Variants in ROR1 observed in about 807,000 individuals in gnomAD.
ROR1 encodes ROR family WNT receptor 1.
Under a neutral mutation model 78.8 loss-of-function variants are expected in ROR1, and 19 were observed. The observed-to-expected ratio is 0.24, with a 90% confidence interval of 0.17 to 0.35. ROR1 has a LOEUF of 0.35. Ranked by LOEUF, ROR1 falls within the 10% of genes least tolerant of loss-of-function variation. The pLI, the probability that ROR1 is intolerant of heterozygous loss-of-function variation, is 1.00. For missense variants in ROR1, 917 were observed against 1,177.8 expected (o/e 0.78, Z 3.24); for synonymous variants, 386 against 433.6 (o/e 0.89, Z 1.36).
chr1:64,081,500 G>A (rs1284642063), intron 4 of ROR1, among the ~76,000 whole-genome samples: 1 of 152,108 alleles, frequency 6.6e-6, no homozygotes, highest in East Asian at 1.9e-4. Flanking sequence ...AAGCAGGCCG[G>A]GCTTGGTGGC....
At chr1:64,098,715 G>A (rs1251517678) in intron 4 of ROR1, among the ~76,000 whole-genome samples, 1 of 152,138 alleles carries the variant, frequency 6.6e-6, no homozygotes, top group Non-Finnish European at 1.5e-5. Flanking sequence ...TGTTCCCCAA[G>A]GTACTACAGG....
chr1:64,129,726 T>C (rs2100697411), intron 4 of ROR1, among the ~76,000 whole-genome samples: 1 of 152,356 alleles, frequency 6.6e-6, no homozygotes, highest in East Asian at 1.9e-4. Flanking sequence ...TTCTTGCAAA[T>C]ACTGTACTAG....
intron 4 of ROR1, among the ~76,000 whole-genome samples, chr1:64,121,852 C>A (rs1048906627): frequency 4.6e-5 from 7 of 152,290 alleles, no homozygotes; most frequent in African/African-American, 1.7e-4. Context: ...TCCATTTCTT[C>A]CTGACTTCTA....
intron 1 of ROR1, among the ~76,000 whole-genome samples, chr1:63,914,792 A>AC (rs958951501): frequency 6.6e-6 from 1 of 151,426 alleles, no homozygotes; most frequent in African/African-American, 2.4e-5. Flanking sequence ...GTACCCCTCC[A>AC]CCCCCATTTC....
At chr1:63,915,682 A>G (rs1366398707) in intron 1 of ROR1, among the ~76,000 whole-genome samples, 1 of 152,068 alleles carries the variant, frequency 6.6e-6, no homozygotes, top group Non-Finnish European at 1.5e-5. Context: ...CTATGCTTAT[A>G]CAGAACTTCT....
chr1:64,121,620 G>A (rs1209861614), intron 4 of ROR1, among the ~76,000 whole-genome samples: 1 of 151,700 alleles, frequency 6.6e-6, no homozygotes, highest in African/African-American at 2.4e-5. Context: ...TTGAATTGCC[G>A]GTGCATAACG....
intron 2 of ROR1, among the ~76,000 whole-genome samples, chr1:64,011,835 C>G (rs1646477101): frequency 6.6e-6 from 1 of 152,140 alleles, no homozygotes; most frequent in Non-Finnish European, 1.5e-5. Flanking sequence ...CTACTCTGGT[C>G]TAGGAACTCT....
At chr1:64,169,069 T>C (rs1371889225) in intron 8 of ROR1, among the ~76,000 whole-genome samples, 3 of 152,214 alleles carry the variant, frequency 2.0e-5, no homozygotes. Context: ...TGCTGGTCAG[T>C]ACTTGAGATT....
intron 7 of ROR1, among the ~76,000 whole-genome samples, chr1:64,145,651 C>T (rs938026882): frequency 7.2e-5 from 11 of 152,034 alleles, no homozygotes; most frequent in South Asian, 4.1e-4. Context: ...TGACATTTTC[C>T]GTGTTATTTT....
chr1:63,956,667 G>C (rs1645985021), intron 1 of ROR1, among the ~76,000 whole-genome samples: 1 of 152,160 alleles, frequency 6.6e-6, no homozygotes, highest in Non-Finnish European at 1.5e-5. Flanking sequence ...TGTGGAAAAT[G>C]CTTGTGGAAC....
At chr1:63,946,811 T>G (rs1475569111) in intron 1 of ROR1, among the ~76,000 whole-genome samples, 1 of 152,150 alleles carries the variant, frequency 6.6e-6, no homozygotes, top group Non-Finnish European at 1.5e-5. Context: ...ACAGAAAAAC[T>G]GGTACAAAGG....
chr1:63,787,680 C>A (rs1255638992), intron 1 of ROR1, among the ~76,000 whole-genome samples: 1 of 152,148 alleles, frequency 6.6e-6, no homozygotes, highest in Non-Finnish European at 1.5e-5. Context: ...GCACCTGCCA[C>A]CATGCTTGCC....
chr1:64,088,079 G>A (rs906563907), intron 4 of ROR1, among the ~76,000 whole-genome samples: 6 of 152,170 alleles, frequency 3.9e-5, no homozygotes, highest in African/African-American at 1.2e-4. Flanking sequence ...CTTAAAATTT[G>A]TATGCCAAAG....
At chr1:64,092,565 G>A (rs891899036) in intron 4 of ROR1, among the ~76,000 whole-genome samples, 2 of 152,122 alleles carry the variant, frequency 1.3e-5, no homozygotes, top group African/African-American at 4.8e-5. Context: ...CATAGATCAG[G>A]CAGGGCTGAG....
intron 7 of ROR1, among the ~76,000 whole-genome samples, chr1:64,157,295 G>A (rs11208371): frequency 0.24 from 35,852 of 151,792 alleles, 5,073 homozygotes; most frequent in East Asian, 0.36. Context: ...GCACCACCAT[G>A]CCTGGCTAAT....
intron 1 of ROR1, among the ~76,000 whole-genome samples, chr1:63,832,829 A>C (rs1372425660): frequency 1.3e-5 from 2 of 152,230 alleles, no homozygotes; most frequent in Non-Finnish European, 2.9e-5. Context: ...AGTGAGATGC[A>C]TGGCAATATA....
At chr1:63,846,115 AGAATGTG>A (rs1557524474) in intron 1 of ROR1, among the ~76,000 whole-genome samples, 5 of 137,130 alleles carry the variant, frequency 3.6e-5, no homozygotes, top group Non-Finnish European at 7.7e-5. Context: ...AGAGAGAGAG[AGAATGTG>A]TGTGTGTGTG....
intron 2 of ROR1, among the ~76,000 whole-genome samples, chr1:64,027,400 C>T (rs11208342): frequency 2.0e-5 from 3 of 152,166 alleles, no homozygotes; most frequent in African/African-American, 4.8e-5. Flanking sequence ...CCTAAATTAT[C>T]TGCTGCTCCA....
At chr1:64,137,589 G>T (rs1229754639) in intron 5 of ROR1, 93 bp downstream of exon 5, 2 of 1,279,868 alleles carry the variant, frequency 1.6e-6, no homozygotes, top group Non-Finnish European at 1.1e-6. Flanking sequence ...AAAGGATTAA[G>T]CTCAGCATGG....
Sources: gnomAD v4.1 joint callset for allele counts (sites outside exome capture counted in the v4.1 genomes callset) on GRCh38, gnomAD v4.1.1 for gene constraint, MANE v1.5 for transcripts, NCBI Gene and HGNC (gene_info 2026-07-23, HGNC 2026-07-21) for gene names.